Variants in DIS3L2 observed in about 807,000 individuals in gnomAD.
The protein encoded by DIS3L2 is DIS3-like exonuclease 2.
A neutral mutation model predicts 97.5 loss-of-function variants in DIS3L2; 34 were observed. The ratio of observed to expected loss-of-function variants is 0.35; its 90% confidence interval spans 0.27 to 0.46. The LOEUF (loss-of-function observed/expected upper bound fraction) is 0.46, where lower values mean the gene tolerates loss of function less well. DIS3L2 is among the 20% of genes least tolerant of loss of function. DIS3L2 has a pLI of 1.00. For synonymous variants in DIS3L2, 435 were observed against 445.2 expected (o/e 0.98, Z 0.29); for missense variants, 1,038 against 1,146.0 (o/e 0.91, Z 1.36).
At chr2:232,140,051 C>G (rs1193046408) in intron 8 of DIS3L2, among the ~76,000 whole-genome samples, 1 of 152,184 alleles carries the variant, frequency 6.6e-6, no homozygotes, top group Non-Finnish European at 1.5e-5. Context: ...TCAGTTCCTT[C>G]TGTGGTCTTC....
At position 232,049,113 on chromosome 2, in the gene DIS3L2, A is replaced by C. The variant is rs184370660; in HGVS notation, c.366+19033A>C. On this transcript the variant is annotated intron_variant, in intron 5 of 20. Coordinates refer to ENST00000325385, the MANE Select transcript of DIS3L2 (RefSeq NM_152383.5). ...AATTGTCACTTTTAATGACTACATAATATTTCCTTGAGTGGATGTTATATA... is the reference window on the plus strand; with the variant it reads ...AATTGTCACTTTTAATGACTACATACTATTTCCTTGAGTGGATGTTATATA... Among the ~76,000 whole-genome samples, 4 of 152,280 alleles carry C rather than the reference A, an allele frequency of 2.6e-5. No homozygotes were observed. The East Asian group carries it at 7.7e-4, about 29-fold the overall frequency.
intron 1 of DIS3L2, among the ~76,000 whole-genome samples, chr2:231,968,784 T>C (rs1420829324): frequency 6.6e-6 from 1 of 152,208 alleles, no homozygotes; most frequent in Non-Finnish European, 1.5e-5. Context: ...AAGAAAACTG[T>C]CAATGTTTAG....
At chr2:232,253,897 A>T (rs1312581080) in intron 12 of DIS3L2, among the ~76,000 whole-genome samples, 2 of 152,216 alleles carry the variant, frequency 1.3e-5, no homozygotes, top group African/African-American at 4.8e-5. Context: ...AACTATGTAT[A>T]CTTTAATATT....
At chr2:232,244,544 G>A (rs1693194510) in intron 11 of DIS3L2, among the ~76,000 whole-genome samples, 1 of 152,236 alleles carries the variant, frequency 6.6e-6, no homozygotes, top group South Asian at 2.1e-4. Context: ...GTAGACGTAT[G>A]TGGAGTCACA....
Position 232,124,991 on chromosome 2 carries a change from A to G in DIS3L2, c.602-5628A>G, listed in dbSNP as rs186589831. ...AAATAGATACTCTTCAGAATGTCATATGAGGCGTTTCATGGTCTGGTCCCT... is the reference window on the plus strand; with the variant it reads ...AAATAGATACTCTTCAGAATGTCATGTGAGGCGTTTCATGGTCTGGTCCCT... On this transcript the variant is annotated intron_variant, in intron 6 of 20. Transcript: ENST00000325385. 7.9e-5 allele frequency among the ~76,000 whole-genome samples: 12 copies of G among 152,340 alleles called. No individual in the cohort carries two copies. The East Asian group carries it at 2.3e-3, about 29-fold the overall frequency.
chr2:232,008,765 T>G (rs2106213116), intron 1 of DIS3L2, among the ~76,000 whole-genome samples: 1 of 152,300 alleles, frequency 6.6e-6, no homozygotes. Flanking sequence ...GACTTCCTTA[T>G]TAGCCTGATC....
chr2:232,173,415 A>G (rs1691050030), intron 9 of DIS3L2, among the ~76,000 whole-genome samples: 2 of 151,916 alleles, frequency 1.3e-5, no homozygotes, highest in Admixed American at 1.3e-4. Flanking sequence ...GTGTTTTTAT[A>G]GAGATGGGGT....
chr2:232,017,717 A>T (rs1368107522), intron 3 of DIS3L2, among the ~76,000 whole-genome samples: 1 of 152,092 alleles, frequency 6.6e-6, no homozygotes, highest in Non-Finnish European at 1.5e-5. Context: ...GACTTTGTGC[A>T]TGCTGTTCCT....
At chr2:232,234,758 G>A (rs1028138315) in intron 10 of DIS3L2, among the ~76,000 whole-genome samples, 2 of 152,218 alleles carry the variant, frequency 1.3e-5, no homozygotes, top group Admixed American at 6.5e-5. Flanking sequence ...GTTATCACAC[G>A]GGTGTATGTA....
intron 9 of DIS3L2, among the ~76,000 whole-genome samples, chr2:232,195,822 T>G (rs1220860121): frequency 1.3e-5 from 2 of 152,216 alleles, no homozygotes; most frequent in East Asian, 3.8e-4. Context: ...GGGAATCTTG[T>G]GGCTCCTGGC....
intron 10 of DIS3L2, among the ~76,000 whole-genome samples, chr2:232,232,750 C>G (rs1692829745): frequency 6.6e-6 from 1 of 152,102 alleles, no homozygotes; most frequent in Non-Finnish European, 1.5e-5. Flanking sequence ...ATCTGAAGCT[C>G]AGAGAAGTCT....
chr2:232,249,186 T>A, intron 11 of DIS3L2, 53 bp from the exon 12 acceptor site: 1 of 1,580,896 alleles, frequency 6.3e-7, no homozygotes, highest in Admixed American at 1.7e-5. Context: ...CCCACTGGGC[T>A]TCTCCTAAGC....
At chr2:232,085,022 C>T (rs764683927) in intron 5 of DIS3L2, among the ~76,000 whole-genome samples, 16 of 152,110 alleles carry the variant, frequency 1.1e-4, no homozygotes, top group Non-Finnish European at 1.8e-4. Flanking sequence ...AACTTTTTCT[C>T]TCTTGTATAA....
intron 13 of DIS3L2, among the ~76,000 whole-genome samples, chr2:232,342,636 A>G (rs1012698136): frequency 6.6e-6 from 1 of 152,252 alleles, no homozygotes; most frequent in African/African-American, 2.4e-5. Flanking sequence ...TTCTAGCAAC[A>G]GATAAAATTC....
chr2:232,104,640 G>T (rs528194533), intron 6 of DIS3L2, among the ~76,000 whole-genome samples: 21 of 152,020 alleles, frequency 1.4e-4, no homozygotes, highest in African/African-American at 4.6e-4. Flanking sequence ...TCCTATTCTA[G>T]AGATTTCATA....
chr2:232,219,722 A>G (rs915190510), intron 10 of DIS3L2, among the ~76,000 whole-genome samples: 1 of 152,010 alleles, frequency 6.6e-6, no homozygotes, highest in Admixed American at 6.6e-5. Flanking sequence ...CGTGGTCTGC[A>G]CTGCTCTTCC....
intron 13 of DIS3L2, among the ~76,000 whole-genome samples, chr2:232,264,413 C>T (rs568986512): frequency 4.1e-4 from 63 of 152,328 alleles, no homozygotes; most frequent in Middle Eastern, 3.4e-3. Context: ...GTAGCTGTCA[C>T]TTAAACCTGC....
intron 13 of DIS3L2, among the ~76,000 whole-genome samples, chr2:232,297,482 C>A (rs1694750488): frequency 2.6e-5 from 4 of 152,134 alleles, no homozygotes; most frequent in Admixed American, 2.6e-4. Context: ...CAGCTAAGAC[C>A]AGCTGTCCAG....
At chr2:232,312,860 T>C (rs1008706674) in intron 14 of DIS3L2, among the ~76,000 whole-genome samples, 2 of 152,242 alleles carry the variant, frequency 1.3e-5, no homozygotes, top group African/African-American at 4.8e-5. Flanking sequence ...ATGGTATTTG[T>C]AAATTTAATT....
Sources: gnomAD v4.1 joint callset for allele counts (sites outside exome capture counted in the v4.1 genomes callset) on GRCh38, gnomAD v4.1.1 for gene constraint, MANE v1.5 for transcripts, NCBI Gene and HGNC (gene_info 2026-07-23, HGNC 2026-07-21) for gene names.